Variants in RGS12 observed in about 807,000 individuals in gnomAD.
RGS12 encodes the protein regulator of G protein signaling 12, also known as regulator of G-protein signaling 12.
RGS12 carries 66 observed loss-of-function variants against 120.1 expected under a neutral mutation model. The observed-to-expected ratio is 0.55, with a 90% CI of 0.45 to 0.67. The LOEUF is 0.67. Ranked by LOEUF, RGS12 falls within the 30% of genes least tolerant of loss-of-function variation. The probability of loss-of-function intolerance (pLI) is 0.00; values close to 1 mark genes in which losing one functional copy is unlikely to be tolerated. For synonymous variants in RGS12, 827 were observed against 804.7 expected (o/e 1.03, Z -0.47); for missense variants, 1,859 against 1,957.7 (o/e 0.95, Z 0.95).
Position 3,416,168 on chromosome 4 carries a change from G to A in RGS12, c.2427+47G>A, listed in dbSNP as rs771557500. 13 of 1,602,950 alleles carry A rather than the reference G, an allele frequency of 8.1e-6. No individual in the cohort carries two copies. The East Asian group carries it at 1.6e-4, about 19-fold the overall frequency. On this transcript the variant is annotated intron_variant, in intron 7 of 17. Transcript: ENST00000336727. ...TTGTGGGGAGTCCAGGCTAGGGCTC[G>A]GGGTATAGGGTCCACCTTCAAAGAA... is the stretch of plus-strand genomic sequence containing the variant.
At position 3,433,211 on chromosome 4, in the gene RGS12, A is replaced by G. The variant is rs1382194383; in HGVS notation, c.4114+2256A>G. On this transcript the variant is annotated intron_variant, in intron 17 of 17. Coordinates refer to ENST00000336727, the MANE Select transcript of RGS12 (RefSeq NM_001394154.1). The surrounding 1 kb of genome is among the most constrained non-coding windows in gnomAD (Gnocchi z 4.4). ...CCGGGTCACGCTCTCCGACGTTGAC[A>G]GTTGCTGTGGGATGCTTCCTCACAA... Among the ~76,000 whole-genome samples the G allele has an allele frequency of 2.0e-5, 3 of 152,194 alleles. No individual in the cohort carries two copies. Among genetic ancestry groups the G allele is most frequent in the Non-Finnish European group, 2.9e-5 (2 of 68,020 alleles).
intron 2 of RGS12, among the ~76,000 whole-genome samples, chr4:3,331,201 A>G (rs1053314308): frequency 6.6e-6 from 1 of 151,970 alleles, no homozygotes; most frequent in Admixed American, 6.6e-5. Flanking sequence ...AAATTCTAAC[A>G]CCCCTCAAAG....
chr4:3,339,327 C>A (rs1004004365), intron 2 of RGS12, among the ~76,000 whole-genome samples: 3 of 152,138 alleles, frequency 2.0e-5, no homozygotes, highest in Non-Finnish European at 4.4e-5. Flanking sequence ...ACAAAAAATA[C>A]AAACATTAGC....
chr4:3,423,615 G>T lies in RGS12; in HGVS notation c.3208G>T (p.Asp1070Tyr). 6.2e-7 allele frequency: 1 copy of T among 1,610,630 alleles called. No individual in the cohort carries two copies. ...LRPVVARYGL[D>Y]LSGLLVRLSG... ...GCCCGTGGTGGCCAGATACGGCCTGGACCTCAGTGGCCTGCTGGTGAGGCT... is the reference window on the plus strand; with the variant it reads ...GCCCGTGGTGGCCAGATACGGCCTGTACCTCAGTGGCCTGCTGGTGAGGCT... The change falls in exon 13 of 18, where the codon GAC (aspartate) becomes TAC (tyrosine). Residue 1070 changes from aspartate to tyrosine, a missense_variant. By Grantham distance (160) the Asp-to-Tyr change is radical (BLOSUM62 -3). Coordinates refer to ENST00000336727, the MANE Select transcript of RGS12 (RefSeq NM_001394154.1).
chr4:3,351,901 G>A (rs1262858355), intron 3 of RGS12, among the ~76,000 whole-genome samples: 1 of 152,120 alleles, frequency 6.6e-6, no homozygotes, highest in Non-Finnish European at 1.5e-5. Flanking sequence ...TGCCTTATGT[G>A]GTGCTGACTG....
At chr4:3,411,056 G>A (rs886840194) in intron 4 of RGS12, among the ~76,000 whole-genome samples, 1 of 152,156 alleles carries the variant, frequency 6.6e-6, no homozygotes, top group African/African-American at 2.4e-5. Context: ...CCTTCCGGAG[G>A]CTTTCCTCAC....
Position 3,308,840 on chromosome 4 carries a change from G to A in RGS12, c.-101-7230G>A, listed in dbSNP as rs201715564. ...TGTCAGGATTGTGCTGTCATCTGTT[G>A]CATCCCGGGTTACCTGTGCCCTCCC... On this transcript the variant is annotated intron_variant, in intron 1 of 17. Coordinates refer to ENST00000336727, the MANE Select transcript of RGS12 (RefSeq NM_001394154.1). 2.0e-4 allele frequency among the ~76,000 whole-genome samples: 31 copies of A among 152,374 alleles called. No individual in the cohort carries two copies. In the South Asian group the frequency reaches 3.5e-3, roughly 17 times the overall value.
intron 4 of RGS12, among the ~76,000 whole-genome samples, chr4:3,388,922 T>C (rs1308775706): frequency 6.6e-6 from 1 of 152,260 alleles, no homozygotes; most frequent in African/African-American, 2.4e-5. Context: ...AAGGAGGGAC[T>C]GAGGAGTTGG....
At chr4:3,349,536 A>T (rs1363943198) in intron 3 of RGS12, among the ~76,000 whole-genome samples, 1 of 144,010 alleles carries the variant, frequency 6.9e-6, no homozygotes, top group Non-Finnish European at 1.6e-5. Context: ...TCCAAACTAG[A>T]CAAAATTACT....
intron 4 of RGS12, chr4:3,407,534 G>A (rs1013863164): frequency 6.6e-6 from 1 of 152,334 alleles, no homozygotes; most frequent in African/African-American, 2.4e-5. Flanking sequence ...GAAGTATTTG[G>A]TTAAGTGGCA....
intron 4 of RGS12, among the ~76,000 whole-genome samples, chr4:3,398,083 C>T (rs1055156601): frequency 2.0e-5 from 3 of 152,168 alleles, no homozygotes; most frequent in Non-Finnish European, 2.9e-5. Context: ...ATGTGAAGTA[C>T]ATCGGACAAT....
chr4:3,342,616 T>G (rs1440632628), intron 2 of RGS12: 1 of 1,318,664 alleles, frequency 7.6e-7, no homozygotes, highest in Non-Finnish European at 1.0e-6. Flanking sequence ...TGCACGTGAT[T>G]TCATTTGATC....
In RGS12 at chr4:3,439,524, C is replaced by A. The variant is rs142350451; in HGVS notation, c.4184C>A (p.Ser1395Ter). ...ATCGATGTGGATCTTGTAACTGGCTCGGCGCCCGGGCGGGATGGTGGCATA... is the reference window on the plus strand; with the variant it reads ...ATCGATGTGGATCTTGTAACTGGCTAGGCGCCCGGGCGGGATGGTGGCATA... ...RIIDVDLVTGSAPGRDGGIAG... is the reference protein window; with the variant it reads ...RIIDVDLVTG The change falls in exon 18 of 18, where the codon TCG becomes TAG. Residue 1395 changes from serine to a stop codon, truncating the protein, a stop_gained. Coordinates refer to ENST00000336727, the MANE Select transcript of RGS12 (RefSeq NM_001394154.1). LOFTEE classifies it low-confidence loss of function (END_TRUNC). 1.2e-6 allele frequency: 2 copies of A among 1,612,658 alleles called. No homozygotes were observed. Among genetic ancestry groups the A allele is most frequent in the Non-Finnish European group, 1.7e-6 (2 of 1,179,840 alleles).
At chr4:3,336,913 T>C (rs1326001124) in intron 2 of RGS12, among the ~76,000 whole-genome samples, 1 of 151,308 alleles carries the variant, frequency 6.6e-6, no homozygotes, top group Non-Finnish European at 1.5e-5. Context: ...AAGTCCAGTG[T>C]GAATTCTGTG....
At chr4:3,321,717 C>A (rs559794463) in intron 2 of RGS12, among the ~76,000 whole-genome samples, 17 of 152,204 alleles carry the variant, frequency 1.1e-4, no homozygotes, top group Non-Finnish European at 2.1e-4. Context: ...GCTCCTCCCC[C>A]CAGTGGACTG....
intron 4 of RGS12, among the ~76,000 whole-genome samples, chr4:3,400,394 A>G (rs1291668281): frequency 6.6e-6 from 1 of 152,088 alleles, no homozygotes; most frequent in East Asian, 1.9e-4. Context: ...TGGGGCTCTC[A>G]CTTTTCTTCA....
At chr4:3,342,896 T>G in intron 2 of RGS12, 41 bp from the exon 3 acceptor site, 1 of 1,363,762 alleles carries the variant, frequency 7.3e-7, no homozygotes, top group Non-Finnish European at 1.0e-6. Flanking sequence ...AAACATCTCT[T>G]TGCAAAAGAA....
At chr4:3,400,786 GA>G (rs1404112654) in intron 4 of RGS12, among the ~76,000 whole-genome samples, 1 of 148,196 alleles carries the variant, frequency 6.7e-6, no homozygotes, top group Non-Finnish European at 1.5e-5. Flanking sequence ...ATAATGAATA[GA>G]AAAAGCACTC....
Position 3,417,382 on chromosome 4 carries a change from T to C in RGS12, c.2608-6T>C. On this transcript the variant is annotated splice_polypyrimidine_tract_variant and splice_region_variant and intron_variant, in intron 8 of 17. Transcript: ENST00000336727. ...TGTTTTAACCAAGGTTTCCATTTGATGACAGTTAAGTGGAAAATCAAAATC... is the reference window on the plus strand; with the variant it reads ...TGTTTTAACCAAGGTTTCCATTTGACGACAGTTAAGTGGAAAATCAAAATC... 6.4e-7 allele frequency: 1 copy of C among 1,562,510 alleles called. No homozygotes were observed. Among genetic ancestry groups the C allele is most frequent in the African/African-American group, 1.4e-5 (1 of 72,660 alleles).
Sources: gnomAD v4.1 joint callset for allele counts (sites outside exome capture counted in the v4.1 genomes callset) on GRCh38, gnomAD v4.1.1 for gene constraint, Gnocchi (gnomAD v3.1) non-coding constraint, MANE v1.5 for transcripts, NCBI Gene and HGNC (gene_info 2026-07-23, HGNC 2026-07-21) for gene names.